The following ARID1A variants were observed in gnomAD, a reference collection of about 807,000 sequenced individuals.
ARID1A encodes the protein AT-rich interaction domain 1A, also known as AT-rich interactive domain-containing protein 1A.
ARID1A carries 20 observed loss-of-function variants against 212.6 expected under a neutral mutation model. The observed-to-expected ratio is 0.09, with a 90% CI of 0.07 to 0.14. The LOEUF is 0.14. Ranked by LOEUF, ARID1A falls within the 10% of genes least tolerant of loss-of-function variation. ARID1A has a pLI of 1.00. For synonymous variants in ARID1A, 1,376 were observed against 1,222.1 expected (o/e 1.13, Z -2.63); for missense variants, 2,587 against 3,059.0 (o/e 0.85, Z 3.64).
chr1:26,745,472 G>A (rs952207695), intron 4 of ARID1A, among the ~76,000 whole-genome samples: 2 of 152,088 alleles, frequency 1.3e-5, no homozygotes, highest in East Asian at 3.8e-4. Flanking sequence ...AGGGATTCTT[G>A]GAAATTTCGT....
At position 26,761,131 on chromosome 1, in the gene ARID1A, A is replaced by G. The variant is rs199561200; in HGVS notation, c.2161+35A>G. 10 of 1,607,134 alleles carry G rather than the reference A, an allele frequency of 6.2e-6. No individual in the cohort carries two copies. In the East Asian group the frequency reaches 2.2e-4, roughly 36 times the overall value. On this transcript the variant is annotated intron_variant, in intron 5 of 19. Transcript: ENST00000324856. ...AGTGCTGGGCTTTAGGGAGAGGGAA[A>G]GGTGACTGCCCCCAGTAATATTAAG...
intron 1 of ARID1A, among the ~76,000 whole-genome samples, chr1:26,704,638 G>C (rs2080370158): frequency 6.6e-6 from 1 of 152,126 alleles, no homozygotes; most frequent in South Asian, 2.1e-4. Context: ...TGGGAGGATT[G>C]CCCAAGCCCA....
rs960558790 is a variant in ARID1A at position 26,697,361 on chromosome 1, C to T, written c.958C>T (p.Pro320Ser). The change falls in exon 1 of 20, where the codon CCC becomes TCC. Residue 320 changes from proline (P) to serine (S), a missense_variant. This residue lies in a region of ARID1A where 735 missense variants were observed against 590.6 expected (regional missense o/e 1.24). Coordinates refer to ENST00000324856, the MANE Select transcript of ARID1A (RefSeq NM_006015.6). ...CCCCGGGGGCGACTACAGTGGCGGG[C>T]CCCAGGACGGGGGCGCCGGCAAGGG... is the stretch of plus-strand genomic sequence containing the variant. ...GYPGGDYSGG[P>S]QDGGAGKGPA... 4 of 1,319,074 alleles carry T rather than the reference C, an allele frequency of 3.0e-6. No individual in the cohort carries two copies. The highest frequency in any genetic ancestry group is 4.2e-5 in the Admixed American group (1 of 24,058). The allele number at this position is 1,319,074 out of a possible 1,614,324, so 81.7% of individuals were successfully genotyped here. A position where few individuals can be genotyped will look rare whatever the true frequency, so the allele number is the denominator to read the frequency against.
intron 1 of ARID1A, among the ~76,000 whole-genome samples, chr1:26,703,909 A>G (rs963358512): frequency 6.6e-6 from 1 of 152,256 alleles, no homozygotes; most frequent in African/African-American, 2.4e-5. Flanking sequence ...TCATAAATGG[A>G]TGTAGACCAC....
At chr1:26,715,932 C>T (rs1358665502) in intron 1 of ARID1A, among the ~76,000 whole-genome samples, 8 of 151,614 alleles carry the variant, frequency 5.3e-5, no homozygotes, top group East Asian at 1.9e-4. Flanking sequence ...TCAGGCTGGG[C>T]GCGGTGGCTC....
At chr1:26,762,826 T>A (rs2081005103) in intron 7 of ARID1A, 147 bp from the exon 8 acceptor site, 2 of 855,870 alleles carry the variant, frequency 2.3e-6, no homozygotes, top group Non-Finnish European at 3.5e-6. Flanking sequence ...AATCCCCCCC[T>A]TTTTCTCATG....
chr1:26,721,426 G>A lies in ARID1A; in HGVS notation c.1138-8225G>A, dbSNP rs866358949. 5.3e-5 allele frequency among the ~76,000 whole-genome samples: 8 copies of A among 152,272 alleles called. No individual in the cohort carries two copies. The South Asian group carries it at 1.7e-3, about 32-fold the overall frequency. On this transcript the variant is annotated intron_variant, in intron 1 of 19. Coordinates refer to ENST00000324856, the MANE Select transcript of ARID1A (RefSeq NM_006015.6). The stretch of plus-strand genomic sequence containing the variant: ...CAGGTTTCACCATATTGGCCAGGCT[G>A]GTCTCGAACTCATGATCCGCCCTCC...
intron 1 of ARID1A, among the ~76,000 whole-genome samples, chr1:26,726,552 T>C (rs1013075955): frequency 1.3e-5 from 2 of 152,216 alleles, no homozygotes; most frequent in African/African-American, 4.8e-5. Flanking sequence ...AGTCCAACTT[T>C]TTTTCTACCT....
At chr1:26,743,785 CAA>C (rs777459329) in intron 4 of ARID1A, among the ~76,000 whole-genome samples, 32 of 74,612 alleles carry the variant, frequency 4.3e-4, no homozygotes, top group Non-Finnish European at 3.1e-4. Flanking sequence ...TACTCCATCT[CAA>C]AAAAAAAAAA....
At chr1:26,748,887 A>G (rs1466259915) in intron 4 of ARID1A, among the ~76,000 whole-genome samples, 1 of 152,000 alleles carries the variant, frequency 6.6e-6, no homozygotes, top group African/African-American at 2.4e-5. Flanking sequence ...ACTCTCGGCC[A>G]GGCGCAGTGG....
chr1:26,772,395 T>C (rs1159890188), intron 12 of ARID1A, 105 bp from the exon 13 acceptor site: 8 of 1,545,890 alleles, frequency 5.2e-6, no homozygotes, highest in Non-Finnish European at 6.2e-6. Flanking sequence ...TTTAAAGGCC[T>C]TAGGAAGAAC....
intron 1 of ARID1A, among the ~76,000 whole-genome samples, chr1:26,703,564 G>A (rs1308282053): frequency 6.6e-6 from 1 of 152,156 alleles, no homozygotes; most frequent in East Asian, 1.9e-4. Context: ...TTTAGGTTCA[G>A]CTAACTTACT....
intron 7 of ARID1A, 33 bp downstream of exon 7, chr1:26,762,352 G>A (rs2124065105): frequency 6.3e-7 from 1 of 1,594,478 alleles, no homozygotes; most frequent in Admixed American, 1.8e-5. Context: ...AGTAGATACG[G>A]GTGAGAGGAG....
intron 11 of ARID1A, chr1:26,769,934 C>G (rs2081069289): frequency 6.6e-6 from 1 of 152,394 alleles, no homozygotes. Flanking sequence ...AGGCCCCGGG[C>G]CAGGCGCAGT....
At chr1:26,763,747 C>T (rs543336721) in intron 8 of ARID1A, among the ~76,000 whole-genome samples, 3 of 152,234 alleles carry the variant, frequency 2.0e-5, no homozygotes, top group East Asian at 1.9e-4. Context: ...CCAGCCTGGG[C>T]GACAGAGCGA....
At chr1:26,766,058 G>A (rs544466202) in intron 8 of ARID1A, among the ~76,000 whole-genome samples, 163 bp from the exon 9 acceptor site, 1 of 152,142 alleles carries the variant, frequency 6.6e-6, no homozygotes, top group East Asian at 1.9e-4. Context: ...ATAAATTAAA[G>A]AAAAATAATA....
chr1:26,755,742 T>G, intron 4 of ARID1A, among the ~76,000 whole-genome samples: 1 of 151,592 alleles, frequency 6.6e-6, no homozygotes, highest in Non-Finnish European at 1.5e-5. Flanking sequence ...TGGGTTTTGG[T>G]TTTTTGGTTT....
At chr1:26,709,912 A>G (rs1570554463) in intron 1 of ARID1A, among the ~76,000 whole-genome samples, 1 of 149,918 alleles carries the variant, frequency 6.7e-6, no homozygotes, top group South Asian at 2.1e-4. Context: ...GCTCACTGCA[A>G]CCTCCGCCTC....
intron 1 of ARID1A, among the ~76,000 whole-genome samples, chr1:26,709,905 C>T (rs185663009): frequency 6.6e-6 from 1 of 151,248 alleles, no homozygotes; most frequent in East Asian, 2.0e-4. Flanking sequence ...TGATCTAGCT[C>T]ACTGCAACCT....
Sources: gnomAD v4.1 joint callset for allele counts (sites outside exome capture counted in the v4.1 genomes callset) on GRCh38, gnomAD v4.1.1 for gene constraint, gnomAD v4.1.1 regional missense constraint, MANE v1.5 for transcripts, NCBI Gene and HGNC (gene_info 2026-07-23, HGNC 2026-07-21) for gene names.